CARMIL1: variants seen among roughly 807,000 people sequenced by gnomAD.
CARMIL1 encodes F-actin-uncapping protein LRRC16A.
CARMIL1 carries 90 observed loss-of-function variants against 177.1 expected under a neutral mutation model. The ratio of observed to expected loss-of-function variants is 0.51; its 90% CI spans 0.43 to 0.61. The LOEUF (loss-of-function observed/expected upper bound fraction) is 0.61, where lower values mean the gene tolerates loss of function less well. CARMIL1 is among the 20% of genes least tolerant of loss of function. The pLI, the probability that CARMIL1 is intolerant of heterozygous loss-of-function variation, is 0.00. For synonymous variants in CARMIL1, 577 were observed against 606.2 expected, an observed-to-expected ratio of 0.95 and a Z score of 0.71; for missense variants, 1,380 against 1,667.0, an observed-to-expected ratio of 0.83 and a Z score of 3.00.
At chr6:25,539,312 T>C (rs541640959) in intron 25 of CARMIL1, among the ~76,000 whole-genome samples, 1 of 151,904 alleles carries the variant, frequency 6.6e-6, no homozygotes, top group Non-Finnish European at 1.5e-5. Context: ...GGGTAGACAG[T>C]GTCAGAATTG....
chr6:25,485,079 T>C (rs1802497361), intron 12 of CARMIL1, among the ~76,000 whole-genome samples: 1 of 152,146 alleles, frequency 6.6e-6, no homozygotes, highest in Non-Finnish European at 1.5e-5. Context: ...TTAATAATTC[T>C]TGATTATATT....
At chr6:25,552,641 G>C (rs189838377) in intron 27 of CARMIL1, among the ~76,000 whole-genome samples, 1 of 152,026 alleles carries the variant, frequency 6.6e-6, no homozygotes, top group African/African-American at 2.4e-5. Context: ...CATAGTATCC[G>C]GTAGCAAAAT....
At chr6:25,527,429 ACTTCT>A (rs1156700039) in intron 23 of CARMIL1, among the ~76,000 whole-genome samples, 1 of 152,202 alleles carries the variant, frequency 6.6e-6, no homozygotes, top group Non-Finnish European at 1.5e-5. Flanking sequence ...GAGAAAGCAA[ACTTCT>A]CTTGGACCCA....
rs533850059 is a variant in CARMIL1, at chr6:25,359,078, A to G, written c.139-61036A>G. On this transcript the variant is annotated intron_variant, in intron 2 of 36. Transcript: ENST00000329474. The stretch of plus-strand genomic sequence containing the variant: ...ATCACAGCGTGTCTTTTTTCTGCCA[A>G]GATGGACACTGGGCACCATGGTCAC... 8.5e-5 allele frequency among the ~76,000 whole-genome samples: 13 copies of G among 152,286 alleles called. No individual in the cohort carries two copies. In the East Asian group the frequency reaches 2.5e-3, roughly 29 times the overall value.
intron 5 of CARMIL1, among the ~76,000 whole-genome samples, chr6:25,441,337 A>ATATATATATATATAAGTG: frequency 1.1e-5 from 1 of 94,534 alleles, no homozygotes. Flanking sequence ...ATATATATAT[A>ATATATATATATATAAGTG]TGTGTGTGTG....
Position 25,604,805 on chromosome 6 carries a change from T to A in CARMIL1, c.3553-7T>A. On this transcript the variant is annotated splice_region_variant and splice_polypyrimidine_tract_variant and intron_variant, in intron 33 of 36. Coordinates refer to ENST00000329474, the MANE Select transcript of CARMIL1 (RefSeq NM_017640.6). The stretch of plus-strand genomic sequence containing the variant: ...CTTTTTGGGGGGATGGTGCTTGAAT[T>A]TTTTAGAAGCTTGGGAATGATGCCG... The A allele has an allele frequency of 1.9e-6, 3 of 1,580,340 alleles. No individual in the cohort carries two copies. The highest frequency in any genetic ancestry group is 2.6e-6 in the Non-Finnish European group (3 of 1,162,820).
At chr6:25,563,934 A>C in intron 29 of CARMIL1, 1 of 907,928 alleles carries the variant, frequency 1.1e-6, no homozygotes, top group Non-Finnish European at 1.3e-6. Context: ...TGAGTCATGA[A>C]ATCAGTATAA....
chr6:25,556,606 A>G, intron 28 of CARMIL1, 95 bp from the exon 29 acceptor site: 2 of 1,173,854 alleles, frequency 1.7e-6, no homozygotes, highest in East Asian at 2.5e-5. Flanking sequence ...TTTGTGCTCC[A>G]CTGCGCCATC....
intron 5 of CARMIL1, among the ~76,000 whole-genome samples, chr6:25,437,236 G>A (rs889645945): frequency 9.2e-5 from 14 of 152,118 alleles, no homozygotes; most frequent in African/African-American, 1.9e-4. Flanking sequence ...ATTAAGCACC[G>A]CCTTACTTGG....
chr6:25,377,320 G>C (rs913562700), intron 2 of CARMIL1, among the ~76,000 whole-genome samples: 1 of 152,186 alleles, frequency 6.6e-6, no homozygotes. Context: ...TCTGCTAAAA[G>C]AAACTTCCCA....
At chr6:25,593,391 G>A (rs1178152746) in intron 31 of CARMIL1, among the ~76,000 whole-genome samples, 1 of 152,176 alleles carries the variant, frequency 6.6e-6, no homozygotes, top group Non-Finnish European at 1.5e-5. Flanking sequence ...TGCTGCATTG[G>A]TGGCTCCCTA....
At chr6:25,569,012 AT>A (rs1397973932) in intron 29 of CARMIL1, among the ~76,000 whole-genome samples, 1 of 152,236 alleles carries the variant, frequency 6.6e-6, no homozygotes, top group Non-Finnish European at 1.5e-5. Context: ...CCAACTTTTC[AT>A]TATACCTTGG....
intron 2 of CARMIL1, among the ~76,000 whole-genome samples, chr6:25,349,649 T>A (rs946012754): frequency 6.6e-6 from 1 of 152,044 alleles, no homozygotes; most frequent in African/African-American, 2.4e-5. Flanking sequence ...GATGATCACA[T>A]GGCCCTGAGG....
intron 16 of CARMIL1, among the ~76,000 whole-genome samples, chr6:25,496,596 A>G (rs1268395475): frequency 6.6e-6 from 1 of 152,224 alleles, no homozygotes; most frequent in Non-Finnish European, 1.5e-5. Context: ...TAACAGCCAC[A>G]AATAATAAAC....
chr6:25,563,302 A>T, intron 29 of CARMIL1: 1 of 985,442 alleles, frequency 1.0e-6, no homozygotes, highest in African/African-American at 1.7e-5. Flanking sequence ...AGTTAGAATA[A>T]AAGATCAAAT....
chr6:25,296,935 T>C (rs62393628), intron 2 of CARMIL1, among the ~76,000 whole-genome samples: 2 of 136,444 alleles, frequency 1.5e-5, no homozygotes, highest in Non-Finnish European at 3.2e-5. Context: ...CTATCTATCT[T>C]TAACTAACTA....
chr6:25,415,575 T>C (rs1795288758), intron 2 of CARMIL1, among the ~76,000 whole-genome samples: 1 of 151,842 alleles, frequency 6.6e-6, no homozygotes, highest in Non-Finnish European at 1.5e-5. Flanking sequence ...TGATTGCTGT[T>C]GTATTTCAGT....
Position 25,607,944 on chromosome 6 carries a change from T to C in CARMIL1, c.3847+1671T>C, listed in dbSNP as rs187669431. Among the ~76,000 whole-genome samples the C allele has an allele frequency of 3.9e-5, 6 of 152,330 alleles. No homozygotes were observed. The East Asian group carries it at 1.2e-3, about 29-fold the overall frequency. ...TCAAACTTTTTCCCAAACCAAAGTT[T>C]ATGATGGGGAACACAAAAAATTTCT... On this transcript the variant is annotated intron_variant, in intron 35 of 36. Coordinates refer to ENST00000329474, the MANE Select transcript of CARMIL1 (RefSeq NM_017640.6).
At chr6:25,585,432 G>A in intron 31 of CARMIL1, among the ~76,000 whole-genome samples, 1 of 152,192 alleles carries the variant, frequency 6.6e-6, no homozygotes, top group Non-Finnish European at 1.5e-5. Context: ...TGAGTTAAAT[G>A]CCAGCATGCC....
Sources: allele counts gnomAD v4.1 joint callset (sites outside exome capture counted in the v4.1 genomes callset), GRCh38; gene constraint gnomAD v4.1.1; transcripts MANE v1.5; gene names NCBI Gene and HGNC (gene_info 2026-07-23, HGNC 2026-07-21).